DOCK10: variants seen among roughly 807,000 people sequenced by gnomAD.
DOCK10 encodes dedicator of cytokinesis 10, also known as dedicator of cytokinesis protein 10.
A neutral mutation model predicts 280.1 loss-of-function variants in DOCK10; 145 were observed. The observed-to-expected ratio is 0.52, with a 90% confidence interval of 0.45 to 0.59. The LOEUF is 0.59. Among genes scored for constraint, DOCK10 ranks in the 20% least tolerant of loss-of-function variants. DOCK10 has a pLI of 0.00. For synonymous variants in DOCK10, 915 were observed against 942.2 expected, an observed-to-expected ratio of 0.97 and a Z score of 0.53; for missense variants, 2,368 against 2,651.7, an observed-to-expected ratio of 0.89 and a Z score of 2.35.
In DOCK10 at chr2:224,970,522, A is replaced by T. The variant is rs80202990; in HGVS notation, c.124-38854T>A. On this transcript the variant is annotated intron_variant, in intron 1 of 55. Transcript: ENST00000258390. This position sits in a 1 kb window ranked among gnomAD's most constrained non-coding sequence, Gnocchi z 4.6. ...ATTTCCGGATTCAGACTTCTGCAACATGACAGAGATAGATGTCTGTTCCCA... is the reference window on the plus strand; with the variant it reads ...ATTTCCGGATTCAGACTTCTGCAACTTGACAGAGATAGATGTCTGTTCCCA... Among the ~76,000 whole-genome samples, 11 of 152,336 alleles carry T rather than the reference A, an allele frequency of 7.2e-5. No individual in the cohort carries two copies. Among genetic ancestry groups the T allele is most frequent in the African/African-American group, 2.6e-4 (11 of 41,572 alleles).
At chr2:224,791,909 T>A (rs1385895390) in intron 47 of DOCK10, among the ~76,000 whole-genome samples, 1 of 152,228 alleles carries the variant, frequency 6.6e-6, no homozygotes, top group Non-Finnish European at 1.5e-5. Flanking sequence ...GTCTTTTGAT[T>A]TTCAACATCT....
chr2:224,789,955 A>G (rs1177993358), intron 47 of DOCK10, among the ~76,000 whole-genome samples: 4 of 151,872 alleles, frequency 2.6e-5, no homozygotes, highest in African/African-American at 9.7e-5. Context: ...TAATTTTTGT[A>G]TTTTTAGTAG....
rs759068291 is a variant in DOCK10 at position 224,807,742 on chromosome 2, C to A, written c.3628G>T (p.Gly1210Cys). ...CTTGGCATATTGTCCAGGAGCATGC[C>A]GTACAGGGGCATGTATAAACTTGCT... ...QIASLYMPLY[G>C]MLLDNMPRIY... is the part of the protein sequence containing the mutation. Residue 1210 changes from glycine (G) to cysteine (C), a missense_variant, in exon 33 of 56, where the codon GGC (glycine) becomes TGC (cysteine). Physicochemically the swap from Gly to Cys is radical, Grantham distance 159. This residue lies in a region of DOCK10 where 1,159 missense variants were observed against 1,400.8 expected (regional missense o/e 0.83). Transcript: ENST00000258390. 35 of 1,572,852 alleles carry A rather than the reference C, an allele frequency of 2.2e-5. No individual in the cohort carries two copies. The highest frequency in any genetic ancestry group is 2.9e-5 in the Non-Finnish European group (33 of 1,157,688).
At position 224,797,029 on chromosome 2, in the gene DOCK10, AC is replaced by A; in HGVS notation, c.4761del (p.Tyr1588ThrfsTer4). On this transcript the variant is annotated frameshift_variant, in exon 43 of 56. Coordinates refer to ENST00000258390, the MANE Select transcript of DOCK10 (RefSeq NM_014689.3). LOFTEE classifies it high-confidence loss of function. Reference sequence around the variant, plus strand: ...TCAAAATTCTTCCTCATGAAAAAGTACAGAAGGGCTGAGGCTTCTGTCTGAG... The same window carrying A: ...TCAAAATTCTTCCTCATGAAAAAGTAAGAAGGGCTGAGGCTTCTGTCTGAG... The part of the protein sequence containing the change: ...RSTQTEASAL[L>X]YFFMRKNFEF... 6.2e-7 allele frequency: 1 copy of A among 1,613,706 alleles called. No individual in the cohort carries two copies. The highest frequency in any genetic ancestry group is 8.5e-7 in the Non-Finnish European group (1 of 1,179,736).
chr2:224,944,856 C>T (rs1253023619), intron 1 of DOCK10, among the ~76,000 whole-genome samples: 3 of 152,192 alleles, frequency 2.0e-5, no homozygotes, highest in Non-Finnish European at 2.9e-5. Context: ...TGCCTTCTGT[C>T]GTCGAAGAAA....
chr2:224,896,177 GA>G, intron 4 of DOCK10, 117 bp downstream of exon 4: 1 of 553,102 alleles, frequency 1.8e-6, no homozygotes, highest in South Asian at 3.5e-5. Context: ...ATACATTTTG[GA>G]AAATGTGCCT....
intron 1 of DOCK10, among the ~76,000 whole-genome samples, chr2:225,008,532 A>G (rs1434786638): frequency 6.6e-6 from 1 of 152,234 alleles, no homozygotes; most frequent in Non-Finnish European, 1.5e-5. Flanking sequence ...CTGTAGGCTA[A>G]CCAAAATATC....
intron 1 of DOCK10, among the ~76,000 whole-genome samples, chr2:224,983,082 C>A (rs1284642264): frequency 6.6e-6 from 1 of 152,180 alleles, no homozygotes; most frequent in African/African-American, 2.4e-5. Flanking sequence ...TATTTACATA[C>A]GCGGCTTGCA....
chr2:224,922,553 C>CCTGTGT (rs1472690668), intron 2 of DOCK10, among the ~76,000 whole-genome samples: 1 of 152,146 alleles, frequency 6.6e-6, no homozygotes, highest in African/African-American at 2.4e-5. Context: ...TGCATGCAGG[C>CCTGTGT]CTGTGTTTAT....
Position 224,892,418 on chromosome 2 carries a change from AAAAAGAAAGAAAGAAAAG to A in DOCK10, c.416+3859_416+3876del, listed in dbSNP as rs1413707029. On this transcript the variant is annotated intron_variant, in intron 4 of 55. Transcript: ENST00000258390. ...GTCTCAAAAAAAAAAAAAAAAAAAA[AAAAAGAAAGAAAGAAAAG>A]AAAAGAAAAGAAAAAAATCGAAGAG... Among the ~76,000 whole-genome samples the A allele has an allele frequency of 9.0e-5, 10 of 111,336 alleles. No homozygotes were observed. In the East Asian group the frequency reaches 2.3e-3, roughly 25 times the overall value. The allele number at this position is 111,336 out of a possible 152,430, so 73.0% of individuals were successfully genotyped here. A position where few individuals can be genotyped will look rare whatever the true frequency, so the allele number is the denominator to read the frequency against.
chr2:224,787,886 A>G (rs1691844726), intron 48 of DOCK10, among the ~76,000 whole-genome samples: 1 of 152,068 alleles, frequency 6.6e-6, no homozygotes, highest in Non-Finnish European at 1.5e-5. Context: ...CCTTCTTTCA[A>G]TGCTCTGTCA....
At chr2:224,834,100 G>C (rs370519239) in intron 26 of DOCK10, 50 bp downstream of exon 26, 1 of 1,088,964 alleles carries the variant, frequency 9.2e-7, no homozygotes, top group Admixed American at 1.9e-5. Context: ...AGGAGTAAGC[G>C]TGACCCATGC....
At chr2:224,878,734 G>T (rs539733978) in intron 7 of DOCK10, among the ~76,000 whole-genome samples, 2 of 152,346 alleles carry the variant, frequency 1.3e-5, no homozygotes, top group East Asian at 3.9e-4. Flanking sequence ...TTCCAAGGAT[G>T]AGCCCTTTGC....
intron 11 of DOCK10, among the ~76,000 whole-genome samples, 151 bp from the exon 12 acceptor site, chr2:224,865,238 C>T (rs886594623): frequency 1.3e-5 from 2 of 152,230 alleles, no homozygotes; most frequent in African/African-American, 4.8e-5. Flanking sequence ...TGTCCTCCAG[C>T]AAGTGCCTTA....
chr2:224,890,109 C>T (rs780410566), intron 4 of DOCK10, among the ~76,000 whole-genome samples: 1 of 152,182 alleles, frequency 6.6e-6, no homozygotes, highest in South Asian at 2.1e-4. Context: ...CATTTGGCCC[C>T]GTGCTAGTCA....
intron 2 of DOCK10, among the ~76,000 whole-genome samples, chr2:224,929,517 G>A (rs1575073574): frequency 6.6e-6 from 1 of 152,262 alleles, no homozygotes; most frequent in South Asian, 2.1e-4. Flanking sequence ...AAATGGGCAA[G>A]GACCACATCT....
chr2:224,915,624 A>G (rs182544167), intron 3 of DOCK10, among the ~76,000 whole-genome samples: 2 of 152,336 alleles, frequency 1.3e-5, no homozygotes, highest in Admixed American at 1.3e-4. Context: ...TTGCTATCGT[A>G]TGCAGCTTTA....
rs1299693363 is a variant in DOCK10, at chr2:224,819,430, T to C, written c.3267+16A>G. 3 of 1,541,508 alleles carry C rather than the reference T, an allele frequency of 1.9e-6. No homozygotes were observed. The highest frequency in any genetic ancestry group is 2.3e-5 in the South Asian group (2 of 86,560). On this transcript the variant is annotated intron_variant, in intron 29 of 55. Transcript: ENST00000258390. ...CCATAGTTTAGAAAACAATCACTCC[T>C]GTACGTGGTTCTTACCTTAAGGTCA...
intron 24 of DOCK10, among the ~76,000 whole-genome samples, chr2:224,839,457 G>A (rs1695814958): frequency 6.6e-6 from 1 of 152,058 alleles, no homozygotes; most frequent in Admixed American, 6.6e-5. Context: ...CACTCCAAAT[G>A]TCCTTCAACA....
Sources: gnomAD v4.1 joint callset for allele counts (sites outside exome capture counted in the v4.1 genomes callset) on GRCh38, gnomAD v4.1.1 for gene constraint, gnomAD v4.1.1 regional missense constraint, Gnocchi (gnomAD v3.1) non-coding constraint, MANE v1.5 for transcripts, NCBI Gene and HGNC (gene_info 2026-07-23, HGNC 2026-07-21) for gene names.